MGAT4C: variants seen among roughly 807,000 people sequenced by gnomAD.
The protein encoded by MGAT4C is alpha-1,3-mannosyl-glycoprotein 4-beta-N-acetylglucosaminyltransferase C.
MGAT4C carries 19 observed loss-of-function variants against 40.1 expected under a neutral mutation model. The ratio of observed to expected loss-of-function variants is 0.47; its 90% CI spans 0.33 to 0.70. The LOEUF is 0.70. Among genes scored for constraint, MGAT4C ranks in the 30% least tolerant of loss-of-function variants. The probability of loss-of-function intolerance (pLI) is 0.02; values close to 1 mark genes in which losing one functional copy is unlikely to be tolerated. For synonymous variants in MGAT4C, 181 were observed against 187.1 expected (o/e 0.97, Z 0.27); for missense variants, 491 against 563.2 (o/e 0.87, Z 1.30).
At chr12:86,139,161 C>T (rs1882469468) in intron 1 of MGAT4C, among the ~76,000 whole-genome samples, 1 of 151,984 alleles carries the variant, frequency 6.6e-6, no homozygotes, top group Non-Finnish European at 1.5e-5. Flanking sequence ...ATGTGTTTTA[C>T]AGTGTTTTAT....
At chr12:86,071,082 G>T (rs1197884260) in intron 1 of MGAT4C, among the ~76,000 whole-genome samples, 1 of 152,004 alleles carries the variant, frequency 6.6e-6, no homozygotes, top group East Asian at 1.9e-4. Context: ...GGTAGGCAAT[G>T]GACAATATGA....
chr12:86,338,255 G>C (rs1212644828), intron 3 of MGAT4C, among the ~76,000 whole-genome samples: 1 of 152,122 alleles, frequency 6.6e-6, no homozygotes, highest in Non-Finnish European at 1.5e-5. Context: ...AGTCAAAGCT[G>C]TCTCTTCCCG....
intron 2 of MGAT4C, among the ~76,000 whole-genome samples, chr12:86,538,150 T>A (rs1959106133): frequency 6.6e-6 from 1 of 152,178 alleles, no homozygotes; most frequent in South Asian, 2.1e-4. Flanking sequence ...GCCTAATTTT[T>A]AAAAAGTCTT....
Position 86,564,300 on chromosome 12 carries a change from T to C in MGAT4C, c.-228-129035A>G, listed in dbSNP as rs550886245. ...CATTGATTTGGCAAATCCCTTTTTT[T>C]TTTTCTATTCCTGTCTATAAAGCCC... On this transcript the variant is annotated intron_variant, in intron 2 of 7. Transcript: ENST00000548651. 1.8e-4 allele frequency among the ~76,000 whole-genome samples: 27 copies of C among 152,336 alleles called. No individual in the cohort carries two copies. The South Asian group carries it at 5.6e-3, about 32-fold the overall frequency.
chr12:86,625,231 G>C (rs542185497), intron 2 of MGAT4C, among the ~76,000 whole-genome samples: 1 of 152,084 alleles, frequency 6.6e-6, no homozygotes, highest in South Asian at 2.1e-4. Flanking sequence ...ATAATTGCAG[G>C]TTTCCTGAAG....
At chr12:86,392,014 G>T (rs1956169250) in intron 3 of MGAT4C, among the ~76,000 whole-genome samples, 1 of 152,036 alleles carries the variant, frequency 6.6e-6, no homozygotes, top group Non-Finnish European at 1.5e-5. Context: ...ATGAGATGAG[G>T]ATAATAATAC....
chr12:86,428,024 A>ACAACAG (rs1008052844), intron 3 of MGAT4C, among the ~76,000 whole-genome samples: 2 of 151,614 alleles, frequency 1.3e-5, no homozygotes, highest in African/African-American at 4.8e-5. Context: ...CATTTCAAAA[A>ACAACAG]CAACAGCAAC....
chr12:86,823,093 C>A (rs1014489125), intron 1 of MGAT4C, among the ~76,000 whole-genome samples: 1 of 150,000 alleles, frequency 6.7e-6, no homozygotes, highest in African/African-American at 2.4e-5. Context: ...AACAAAAACA[C>A]AACACAGTAA....
intron 1 of MGAT4C, among the ~76,000 whole-genome samples, chr12:86,132,687 G>T (rs548922673): frequency 2.0e-5 from 3 of 151,864 alleles, no homozygotes; most frequent in African/African-American, 7.2e-5. Context: ...AGCTACTCGG[G>T]AGGCTGAGGC....
intron 2 of MGAT4C, among the ~76,000 whole-genome samples, chr12:86,487,863 C>T (rs963425244): frequency 1.9e-4 from 29 of 152,058 alleles, no homozygotes; most frequent in South Asian, 1.9e-3. Context: ...ATAAACATTG[C>T]GTCTAAAATA....
intron 2 of MGAT4C, among the ~76,000 whole-genome samples, chr12:86,008,045 T>C (rs1888076865): frequency 6.6e-6 from 1 of 152,050 alleles, no homozygotes; most frequent in South Asian, 2.1e-4. Context: ...TTTATGTCAA[T>C]ATCATACTAT....
Position 85,960,894 on chromosome 12 carries a change from CTTTAT to C in MGAT4C, c.*18390_*18394del, listed in dbSNP as rs1349603166. On this transcript the variant is annotated 3_prime_UTR_variant, in exon 5 of 5. Coordinates refer to ENST00000611864, the MANE Select transcript of MGAT4C (RefSeq NM_001351288.2). ...ATATTTATTTATATGATGTTTGGCA[CTTTAT>C]TTTATAAAACTACCCTTTACTTAAA... 1 of 151,916 alleles carries C rather than the reference CTTTAT, an allele frequency of 6.6e-6. No homozygotes were observed. The highest frequency in any genetic ancestry group is 2.4e-5 in the African/African-American group (1 of 41,418). The allele number at this position is 151,916 out of a possible 1,614,324, so 9.4% of individuals were successfully genotyped here. A position where few individuals can be genotyped will look rare whatever the true frequency, so the allele number is the denominator to read the frequency against.
At chr12:86,226,965 A>T (rs1474537627) in intron 1 of MGAT4C, among the ~76,000 whole-genome samples, 1 of 151,880 alleles carries the variant, frequency 6.6e-6, no homozygotes, top group Non-Finnish European at 1.5e-5. Flanking sequence ...GTTTATATTT[A>T]TCACTTCACT....
intron 3 of MGAT4C, among the ~76,000 whole-genome samples, chr12:86,382,631 T>C (rs1171101953): frequency 6.6e-6 from 1 of 151,626 alleles, no homozygotes; most frequent in Non-Finnish European, 1.5e-5. Context: ...GGCCCAGGGG[T>C]TTAGGAGGAA....
intron 2 of MGAT4C, among the ~76,000 whole-genome samples, chr12:86,672,780 T>G (rs1185656621): frequency 6.6e-6 from 1 of 152,042 alleles, no homozygotes; most frequent in Non-Finnish European, 1.5e-5. Flanking sequence ...GCAGGGAAAA[T>G]GTTGAAAAGC....
chr12:86,660,916 C>T (rs1963966121), intron 2 of MGAT4C, among the ~76,000 whole-genome samples: 1 of 152,122 alleles, frequency 6.6e-6, no homozygotes, highest in East Asian at 1.9e-4. Context: ...ATGATGTAAG[C>T]TGTCAGGAAG....
intron 1 of MGAT4C, among the ~76,000 whole-genome samples, chr12:86,155,625 G>A (rs924869583): frequency 1.3e-5 from 2 of 152,088 alleles, no homozygotes; most frequent in Non-Finnish European, 2.9e-5. Context: ...GAGTGCATTT[G>A]TGTGTTTCAG....
At chr12:86,441,516 G>A (rs1168148424) in intron 2 of MGAT4C, among the ~76,000 whole-genome samples, 1 of 104,976 alleles carries the variant, frequency 9.5e-6, no homozygotes, top group Non-Finnish European at 1.8e-5. Flanking sequence ...CCCCACAACA[G>A]GCCTCGGTGT....
chr12:86,481,750 A>T (rs1339823110), intron 2 of MGAT4C, among the ~76,000 whole-genome samples: 6 of 151,624 alleles, frequency 4.0e-5, no homozygotes, highest in Non-Finnish European at 8.9e-5. Context: ...AATGGTAACA[A>T]CATGGTACGT....
Sources: allele counts gnomAD v4.1 joint callset (sites outside exome capture counted in the v4.1 genomes callset), GRCh38; gene constraint gnomAD v4.1.1; transcripts MANE v1.5; gene names NCBI Gene and HGNC (gene_info 2026-07-23, HGNC 2026-07-21).